SLITRK6: variants seen among roughly 807,000 people sequenced by gnomAD.
The protein encoded by SLITRK6 is SLIT and NTRK like family member 6, also known as SLIT and NTRK-like protein 6.
SLITRK6 carries 35 observed loss-of-function variants against 55.6 expected under a neutral mutation model. The ratio of observed to expected loss-of-function variants is 0.63; its 90% confidence interval spans 0.48 to 0.83. The LOEUF is 0.83. SLITRK6 is among the 40% of genes least tolerant of loss of function. SLITRK6 has a pLI of 0.00. For missense variants in SLITRK6, 977 were observed against 986.4 expected (o/e 0.99, Z 0.13); for synonymous variants, 392 against 359.6 (o/e 1.09, Z -1.02).
In SLITRK6 at chr13:85,795,266, T is replaced by G. The variant is rs1367338810; in HGVS notation, c.1243A>C (p.Lys415Gln). The G allele has an allele frequency of 6.2e-7, 1 of 1,612,714 alleles. No homozygotes were observed. The highest frequency in any genetic ancestry group is 8.5e-7 in the Non-Finnish European group (1 of 1,179,358). The change falls in exon 2 of 2, where the codon AAA (lysine) becomes CAA (glutamine). Residue 415 changes from lysine (K) to glutamine (Q), a missense_variant. Transcript: ENST00000647374. Reference sequence around the variant, plus strand: ...AGGTGGTTACCATTTAGATAGAGTTTTTGTAATCTCGTTAGGTTCATAAAC... The same window carrying G: ...AGGTGGTTACCATTTAGATAGAGTTGTTGTAATCTCGTTAGGTTCATAAAC... ...GSFMNLTRLQ[K>Q]LYLNGNHLTK...
rs1213510400 is a variant in SLITRK6 at position 85,794,289 on chromosome 13, C to T, written c.2220G>A (p.Thr740=). 15 of 1,613,120 alleles carry T rather than the reference C, an allele frequency of 9.3e-6. No homozygotes were observed. Among genetic ancestry groups the T allele is most frequent in the Admixed American group, 3.3e-5 (2 of 59,874 alleles). The part of the protein sequence containing the change: ...LTGSNMKYKT[T]NQSTEFLSFQ... Reference sequence around the variant, plus strand: ...AGGATAAAAATTCTGTTGATTGGTTCGTGGTTTTGTATTTCATATTTGACC... The same window carrying T: ...AGGATAAAAATTCTGTTGATTGGTTTGTGGTTTTGTATTTCATATTTGACC... Residue 740 remains threonine (T), a synonymous_variant, in exon 2 of 2, where the codon ACG becomes ACA. Transcript: ENST00000647374.
chr13:85,796,659 T>C, intron 1 of SLITRK6, 127 bp from the exon 2 acceptor site: 1 of 657,792 alleles, frequency 1.5e-6, no homozygotes, highest in Non-Finnish European at 2.2e-6. Flanking sequence ...AAAATATGGG[T>C]ACCTTGCTGC....
rs1185643791 is a variant in SLITRK6, at chr13:85,798,984, T to C, written c.-95A>G. On this transcript the variant is annotated 5_prime_UTR_variant, in exon 1 of 2. Coordinates refer to ENST00000647374, the MANE Select transcript of SLITRK6 (RefSeq NM_032229.3). Reference sequence around the variant, plus strand: ...GGAAGAGGTGTTCAAAGTAATTCAATTCCTTTATTAAAAAAAAGAAAACAC... The same window carrying C: ...GGAAGAGGTGTTCAAAGTAATTCAACTCCTTTATTAAAAAAAAGAAAACAC... The C allele has an allele frequency of 6.6e-6, 1 of 151,750 alleles. No individual in the cohort carries two copies. The allele number at this position is 151,750 out of a possible 1,614,324, so 9.4% of individuals were successfully genotyped here. A position where few individuals can be genotyped will look rare whatever the true frequency, so the allele number is the denominator to read the frequency against.
chr13:85,795,481 A>G lies in SLITRK6; in HGVS notation c.1028T>C (p.Leu343Pro), dbSNP rs745989105. 2 of 1,613,090 alleles carry G rather than the reference A, an allele frequency of 1.2e-6. No homozygotes were observed. Among genetic ancestry groups the G allele is most frequent in the Non-Finnish European group, 1.7e-6 (2 of 1,179,454 alleles). Residue 343 changes from leucine to proline, a missense_variant, in exon 2 of 2, where the codon CTT becomes CCT. Coordinates refer to ENST00000647374, the MANE Select transcript of SLITRK6 (RefSeq NM_032229.3). ...GTTGCGCTCCTGACAATGTATTAGA[A>G]GTCCTGATGGGGATAGGACTTTGCA... ...CNCKVLSPSG[L>P]LIHCQERNIE...
Position 85,795,147 on chromosome 13 carries a change from G to A in SLITRK6, c.1362C>T (p.Thr454=). 8 of 1,612,918 alleles carry A rather than the reference G, an allele frequency of 5.0e-6. No homozygotes were observed. The highest frequency in any genetic ancestry group is 6.8e-6 in the Non-Finnish European group (8 of 1,179,380). Residue 454 remains threonine (T), a synonymous_variant, in exon 2 of 2, where the codon ACC becomes ACT. Transcript: ENST00000647374. ...YNAIKEILPG[T]FNPMPKLKVL... ...CTTTAAGTTTAGGCATTGGATTAAA[G>A]GTTCCTGGCAGTATTTCCTTAATGG...
In SLITRK6 at chr13:85,795,192, G is replaced by A; in HGVS notation, c.1317C>T (p.Tyr439=). ...TAATGGCATTGTATTCAAGATATAA[G>A]TATTCAAGATTATGGAGACCAAGGA... is the stretch of plus-strand genomic sequence containing the variant. The part of the protein sequence containing the change: ...GMFLGLHNLE[Y]LYLEYNAIKE... The change falls in exon 2 of 2, where the codon TAC becomes TAT. Residue 439 remains tyrosine (Y), a synonymous_variant. Transcript: ENST00000647374. The A allele has an allele frequency of 6.2e-7, 1 of 1,612,538 alleles. No homozygotes were observed.
At position 85,794,111 on chromosome 13, in the gene SLITRK6, T is replaced by G; in HGVS notation, c.2398A>C (p.Met800Leu). ...YPGAHEELKLMETLMYSRPRK... is the reference protein window; with the variant it reads ...YPGAHEELKLLETLMYSRPRK... ...GGACGTGAGTACATTAATGTTTCCA[T>G]TAACTTCAGCTCTTCGTGGGCTCCA... The change falls in exon 2 of 2, where the codon ATG becomes CTG. Residue 800 changes from methionine to leucine, a missense_variant. Transcript: ENST00000647374. 6.2e-7 allele frequency: 1 copy of G among 1,613,154 alleles called. No homozygotes were observed. The highest frequency in any genetic ancestry group is 8.5e-7 in the Non-Finnish European group (1 of 1,179,410).
rs908061642 is a variant in SLITRK6, at chr13:85,796,238, T to C, written c.271A>G (p.Ile91Val). Residue 91 changes from isoleucine to valine, a missense_variant, in exon 2 of 2, where the codon ATT becomes GTT. Transcript: ENST00000647374. ...TNDFSGLTNA[I>V]SIHLGFNNIA... ...TTGTTAAATCCAAGGTGTATTGAAA[T>C]AGCATTGGTAAGCCCAGAAAAGTCA... is the stretch of plus-strand genomic sequence containing the variant. The C allele has an allele frequency of 3.1e-6, 5 of 1,612,856 alleles. No individual in the cohort carries two copies. In the African/African-American group the frequency reaches 6.7e-5, roughly 22 times the overall value.
At position 85,795,276 on chromosome 13, in the gene SLITRK6, C is replaced by T. The variant is rs746561553; in HGVS notation, c.1233G>A (p.Thr411=). ...VLEEGSFMNL[T]RLQKLYLNGN... ...CATTTAGATAGAGTTTTTGTAATCT[C>T]GTTAGGTTCATAAACGATCCTTCTT... Residue 411 remains threonine, a synonymous_variant, in exon 2 of 2, where the codon ACG becomes ACA. Coordinates refer to ENST00000647374, the MANE Select transcript of SLITRK6 (RefSeq NM_032229.3). 10 of 1,612,612 alleles carry T rather than the reference C, an allele frequency of 6.2e-6. No homozygotes were observed. The highest frequency in any genetic ancestry group is 5.5e-5 in the South Asian group (5 of 91,036).
chr13:85,797,552 G>A (rs1874764135), intron 1 of SLITRK6, among the ~76,000 whole-genome samples: 1 of 151,722 alleles, frequency 6.6e-6, no homozygotes, highest in African/African-American at 2.4e-5. Flanking sequence ...GGCACGGAAT[G>A]TCATCACATA....
Position 85,795,408 on chromosome 13 carries a change from C to A in SLITRK6, c.1101G>T (p.Lys367Asn). ...DLRPPPQNPR[K>N]LILAGNIIHS... ...GAATAATATTTCCCGCTAGAATGAG[C>A]TTTCTAGGATTTTGCGGAGGAGGTC... Residue 367 changes from lysine (K) to asparagine (N), a missense_variant, in exon 2 of 2, where the codon AAG becomes AAT. Lys to Asn is a moderately conservative substitution (Grantham distance 94). Coordinates refer to ENST00000647374, the MANE Select transcript of SLITRK6 (RefSeq NM_032229.3). The A allele has an allele frequency of 1.9e-6, 3 of 1,612,796 alleles. No homozygotes were observed. Among genetic ancestry groups the A allele is most frequent in the Non-Finnish European group, 2.5e-6 (3 of 1,179,362 alleles).
In SLITRK6 at chr13:85,794,932, A is replaced by G. The variant is rs973910840; in HGVS notation, c.1577T>C (p.Val526Ala). Residue 526 changes from valine to alanine, a missense_variant, in exon 2 of 2, where the codon GTT (valine) becomes GCT (alanine). Physicochemically the swap from Val to Ala is moderately conservative, Grantham distance 64. Coordinates refer to ENST00000647374, the MANE Select transcript of SLITRK6 (RefSeq NM_032229.3). ...DNPWDCSCDL[V>A]GLQQWIQKLS... is the part of the protein sequence containing the mutation. ...CTTTTGTATCCATTGCTGCAGTCCA[A>G]CCAGGTCACAGGAGCAGTCCCAGGG... The G allele has an allele frequency of 3.1e-6, 5 of 1,613,070 alleles. No homozygotes were observed. Among genetic ancestry groups the G allele is most frequent in the Non-Finnish European group, 2.5e-6 (3 of 1,179,492 alleles).
At chr13:85,797,211 T>G (rs1376893647) in intron 1 of SLITRK6, among the ~76,000 whole-genome samples, 1 of 150,886 alleles carries the variant, frequency 6.6e-6, no homozygotes, top group African/African-American at 2.4e-5. Flanking sequence ...GGAAAATGCG[T>G]CTTTGATCAT....
At position 85,794,348 on chromosome 13, in the gene SLITRK6, G is replaced by T; in HGVS notation, c.2161C>A (p.Leu721Ile). Residue 721 changes from leucine to isoleucine, a missense_variant, in exon 2 of 2, where the codon CTT becomes ATT. Transcript: ENST00000647374. ...GGTGAATGATTTTCCTGTTCCAAAA[G>T]ACTTCTTTGGAGATGTTTTGCATCA... is the stretch of plus-strand genomic sequence containing the variant. ...GSDAKHLQRS[L>I]LEQENHSPLT... 1.2e-6 allele frequency: 2 copies of T among 1,613,234 alleles called. No homozygotes were observed. The highest frequency in any genetic ancestry group is 1.7e-4 in the Middle Eastern group (1 of 6,052).
Position 85,796,227 on chromosome 13 carries a change from G to T in SLITRK6, c.282C>A (p.His94Gln), listed in dbSNP as rs372434788. 6.2e-7 allele frequency: 1 copy of T among 1,613,022 alleles called. No homozygotes were observed. The highest frequency in any genetic ancestry group is 1.3e-5 in the African/African-American group (1 of 74,928). The part of the protein sequence containing the change: ...FSGLTNAISI[H>Q]LGFNNIADIE... Reference sequence around the variant, plus strand: ...TATCTGCAATATTGTTAAATCCAAGGTGTATTGAAATAGCATTGGTAAGCC... The same window carrying T: ...TATCTGCAATATTGTTAAATCCAAGTTGTATTGAAATAGCATTGGTAAGCC... Residue 94 changes from histidine to glutamine, a missense_variant, in exon 2 of 2, where the codon CAC (histidine) becomes CAA (glutamine). Physicochemically the swap from His to Gln is conservative, Grantham distance 24. Coordinates refer to ENST00000647374, the MANE Select transcript of SLITRK6 (RefSeq NM_032229.3).
chr13:85,798,973 A>G lies in SLITRK6; in HGVS notation c.-84T>C, dbSNP rs1874803498. 1 of 151,834 alleles carries G rather than the reference A, an allele frequency of 6.6e-6. No homozygotes were observed. The allele number at this position is 151,834 out of a possible 1,614,324, so 9.4% of individuals were successfully genotyped here. ...AATGCACAGCTGGAAGAGGTGTTCA[A>G]AGTAATTCAATTCCTTTATTAAAAA... On this transcript the variant is annotated 5_prime_UTR_variant, in exon 1 of 2. Transcript: ENST00000647374.
Position 85,794,843 on chromosome 13 carries a change from C to G in SLITRK6, c.1666G>C (p.Glu556Gln). The G allele has an allele frequency of 6.2e-7, 1 of 1,613,066 alleles. No individual in the cohort carries two copies. The highest frequency in any genetic ancestry group is 8.5e-7 in the Non-Finnish European group (1 of 1,179,472). Residue 556 changes from glutamate (E) to glutamine (Q), a missense_variant, in exon 2 of 2, where the codon GAA becomes CAA. By Grantham distance (29) the Glu-to-Gln change is conservative. Coordinates refer to ENST00000647374, the MANE Select transcript of SLITRK6 (RefSeq NM_032229.3). ...CTSPGHLDKK[E>Q]LKALNSEILC... is the part of the protein sequence containing the mutation. ...ATTTCACTATTTAGGGCTTTCAATT[C>G]CTTTTTGTCGAGATGCCCGGGGGAA...
Position 85,793,598 on chromosome 13 carries a change from G to T in SLITRK6, c.*385C>A, listed in dbSNP as rs1874607033. 5.9e-6 allele frequency: 1 copy of T among 168,388 alleles called. No individual in the cohort carries two copies. The highest frequency in any genetic ancestry group is 2.4e-5 in the African/African-American group (1 of 41,808). 10.4% of individuals were successfully genotyped at this position (168,388 alleles called of 1,614,324 possible). ...ATATTATAACTACATATACAAGTAT[G>T]GTTTTTAAATGATGAAATCCAATTG... On this transcript the variant is annotated 3_prime_UTR_variant, in exon 2 of 2. Transcript: ENST00000647374.
rs778906596 is a variant in SLITRK6 at position 85,793,464 on chromosome 13, T to G, written c.*519A>C. 2 of 152,514 alleles carry G rather than the reference T, an allele frequency of 1.3e-5. No homozygotes were observed. The highest frequency in any genetic ancestry group is 2.9e-5 in the Non-Finnish European group (2 of 68,018). The allele number at this position is 152,514 out of a possible 1,614,324, so 9.4% of individuals were successfully genotyped here. On this transcript the variant is annotated 3_prime_UTR_variant, in exon 2 of 2. Coordinates refer to ENST00000647374, the MANE Select transcript of SLITRK6 (RefSeq NM_032229.3). ...CTATTTTTTCTTCACTATTACTATT[T>G]ATAATTGTCAAGTTCCAGTTTCTTT...
Sources: gnomAD v4.1 joint callset for allele counts (sites outside exome capture counted in the v4.1 genomes callset) on GRCh38, gnomAD v4.1.1 for gene constraint, MANE v1.5 for transcripts, NCBI Gene and HGNC (gene_info 2026-07-23, HGNC 2026-07-21) for gene names.